Variants in SCFD2 observed in about 807,000 individuals in gnomAD.
The protein encoded by SCFD2 is sec1 family domain-containing protein 2.
Under a neutral mutation model 58.9 loss-of-function variants are expected in SCFD2, and 54 were observed. The observed-to-expected ratio is 0.92, with a 90% CI of 0.74 to 1.15. SCFD2 has a LOEUF of 1.15. SCFD2 is among the 50% of genes most tolerant of loss of function. The pLI, the probability that SCFD2 is intolerant of heterozygous loss-of-function variation, is 0.00. For missense variants in SCFD2, 805 were observed against 836.6 expected (o/e 0.96, Z 0.47); for synonymous variants, 321 against 335.9 (o/e 0.96, Z 0.49).
intron 4 of SCFD2, among the ~76,000 whole-genome samples, chr4:53,260,687 T>A (rs1393407434): frequency 6.6e-6 from 1 of 152,140 alleles, no homozygotes; most frequent in African/African-American, 2.4e-5. Flanking sequence ...GTCTGTAGTT[T>A]TGTTTTTTGG....
intron 5 of SCFD2, among the ~76,000 whole-genome samples, chr4:53,008,751 G>A (rs1722033763): frequency 6.6e-6 from 1 of 152,184 alleles, no homozygotes; most frequent in South Asian, 2.1e-4. Flanking sequence ...TCAGAGAAAA[G>A]CTATAGAATC....
At chr4:52,954,248 G>A (rs1473233347) in intron 5 of SCFD2, among the ~76,000 whole-genome samples, 1 of 152,204 alleles carries the variant, frequency 6.6e-6, no homozygotes, top group Admixed American at 6.5e-5. Context: ...CCTGCCTGTG[G>A]AGGACCGGGC....
intron 4 of SCFD2, among the ~76,000 whole-genome samples, chr4:53,223,958 A>G (rs548017461): frequency 1.3e-5 from 2 of 152,268 alleles, no homozygotes; most frequent in African/African-American, 4.8e-5. Flanking sequence ...GAAGATAAAG[A>G]TGGTCATAAA....
At chr4:53,354,841 T>C (rs1734355430) in intron 1 of SCFD2, among the ~76,000 whole-genome samples, 1 of 113,986 alleles carries the variant, frequency 8.8e-6, no homozygotes, top group African/African-American at 2.6e-5. Flanking sequence ...TTGCCCAAGC[T>C]GGAGTGCAAT....
intron 5 of SCFD2, among the ~76,000 whole-genome samples, chr4:53,092,499 C>T (rs912607594): frequency 6.7e-6 from 1 of 150,206 alleles, no homozygotes; most frequent in African/African-American, 2.4e-5. Context: ...CATGAATATT[C>T]ATAGTAGCTT....
At chr4:52,983,435 A>G (rs543563579) in intron 5 of SCFD2, among the ~76,000 whole-genome samples, 80 of 152,348 alleles carry the variant, frequency 5.3e-4, no homozygotes, top group African/African-American at 1.8e-3. Flanking sequence ...TGTATGCACA[A>G]ATGTTCAAAG....
intron 4 of SCFD2, among the ~76,000 whole-genome samples, chr4:53,254,455 T>A (rs1730520193): frequency 6.6e-6 from 1 of 152,158 alleles, no homozygotes; most frequent in African/African-American, 2.4e-5. Flanking sequence ...AATGTGGAAC[T>A]GTGAGTCAAT....
chr4:53,365,648 G>A lies in SCFD2; in HGVS notation c.294C>T (p.Phe98=), dbSNP rs768090103. The A allele has an allele frequency of 4.3e-6, 7 of 1,614,202 alleles. No individual in the cohort carries two copies. The highest frequency in any genetic ancestry group is 5.9e-6 in the Non-Finnish European group (7 of 1,180,030). Reference sequence around the variant, plus strand: ...CGGTTGTGACCACCACACAATACTGGAAGTGACTGCGGCAGATGATGTCCC... The same window carrying A: ...CGGTTGTGACCACCACACAATACTGAAAGTGACTGCGGCAGATGATGTCCC... ...ILRDIICRSH[F]QYCVVVTTVS... Residue 98 remains phenylalanine (F), a synonymous_variant, in exon 1 of 9, where the codon TTC becomes TTT. Coordinates refer to ENST00000401642, the MANE Select transcript of SCFD2 (RefSeq NM_152540.4). This position sits in a 1 kb window ranked among gnomAD's most constrained non-coding sequence, Gnocchi z 4.3.
intron 5 of SCFD2, among the ~76,000 whole-genome samples, chr4:53,015,685 T>C (rs913055465): frequency 6.6e-6 from 1 of 152,176 alleles, no homozygotes; most frequent in Admixed American, 6.5e-5. Context: ...TTTGACCATA[T>C]GGCATGGTCA....
At chr4:52,918,009 C>G (rs1468071262) in intron 6 of SCFD2, among the ~76,000 whole-genome samples, 1 of 152,150 alleles carries the variant, frequency 6.6e-6, no homozygotes, top group Non-Finnish European at 1.5e-5. Flanking sequence ...GGCCTAGATC[C>G]TAATATGCAG....
chr4:53,151,024 C>T (rs1487563687), intron 4 of SCFD2, among the ~76,000 whole-genome samples: 1 of 152,154 alleles, frequency 6.6e-6, no homozygotes, highest in African/African-American at 2.4e-5. Context: ...ACTACCACGA[C>T]TCCCACCTGC....
At chr4:53,297,125 G>A (rs567376961) in intron 3 of SCFD2, among the ~76,000 whole-genome samples, 17 of 152,282 alleles carry the variant, frequency 1.1e-4, no homozygotes, top group African/African-American at 3.4e-4. Context: ...TTAATTTGAG[G>A]TGGAGAGTTC....
chr4:53,314,353 C>T (rs1732792319), intron 2 of SCFD2, among the ~76,000 whole-genome samples: 1 of 152,172 alleles, frequency 6.6e-6, no homozygotes, highest in Non-Finnish European at 1.5e-5. Context: ...TTACTAAAAC[C>T]TTTACAATTA....
At chr4:53,322,047 C>T (rs1314906922) in intron 2 of SCFD2, among the ~76,000 whole-genome samples, 1 of 152,136 alleles carries the variant, frequency 6.6e-6, no homozygotes, top group Admixed American at 6.5e-5. Context: ...CAACACCTAA[C>T]CTGGGCTTGT....
intron 5 of SCFD2, among the ~76,000 whole-genome samples, chr4:53,003,089 G>T (rs1452614297): frequency 6.6e-6 from 1 of 152,092 alleles, no homozygotes; most frequent in Admixed American, 6.6e-5. Context: ...CCTCCCATTG[G>T]GCCCCACCAC....
intron 4 of SCFD2, among the ~76,000 whole-genome samples, chr4:53,160,441 A>C (rs1175722374): frequency 6.6e-6 from 1 of 152,214 alleles, no homozygotes; most frequent in Non-Finnish European, 1.5e-5. Flanking sequence ...TTTTGAAGTT[A>C]AAGGCAGTGG....
chr4:52,994,759 T>C (rs1326242366), intron 5 of SCFD2, among the ~76,000 whole-genome samples: 3 of 152,280 alleles, frequency 2.0e-5, no homozygotes, highest in African/African-American at 4.8e-5. Context: ...CTGTTTGCAA[T>C]GCAAAAACAT....
intron 2 of SCFD2, among the ~76,000 whole-genome samples, chr4:53,325,059 C>T (rs1733144628): frequency 6.6e-6 from 1 of 152,132 alleles, no homozygotes; most frequent in Admixed American, 6.5e-5. Context: ...CTATCTCCAA[C>T]CCTAACCCAC....
At chr4:53,093,396 T>C (rs774651910) in intron 5 of SCFD2, among the ~76,000 whole-genome samples, 1 of 152,164 alleles carries the variant, frequency 6.6e-6, no homozygotes, top group Non-Finnish European at 1.5e-5. Context: ...TCAGTGCAAT[T>C]TCCATTGAGA....
Sources: gnomAD v4.1 joint callset for allele counts (sites outside exome capture counted in the v4.1 genomes callset) on GRCh38, gnomAD v4.1.1 for gene constraint, Gnocchi (gnomAD v3.1) non-coding constraint, MANE v1.5 for transcripts, NCBI Gene and HGNC (gene_info 2026-07-23, HGNC 2026-07-21) for gene names.